The following ELOVL7 variants were observed in gnomAD, a reference collection of about 807,000 sequenced individuals.
ELOVL7 encodes ELOVL fatty acid elongase 7, also known as very long chain fatty acid elongase 7.
A neutral mutation model predicts 35.7 loss-of-function variants in ELOVL7; 27 were observed. That is an observed-to-expected ratio of 0.76 (90% CI 0.56 to 1.04). The LOEUF (loss-of-function observed/expected upper bound fraction) is 1.04. Ranked by LOEUF, ELOVL7 falls within the 50% of genes least tolerant of loss-of-function variation. The pLI, the probability that ELOVL7 is intolerant of heterozygous loss-of-function variation, is 0.00. For missense variants in ELOVL7, 327 were observed against 340.8 expected, an observed-to-expected ratio of 0.96 and a Z score of 0.32; for synonymous variants, 113 against 114.6, an observed-to-expected ratio of 0.99 and a Z score of 0.09.
chr5:60,817,682 A>ACACACCATATATATACG (rs1745600795), intron 1 of ELOVL7, among the ~76,000 whole-genome samples: 1 of 144,132 alleles, frequency 6.9e-6, no homozygotes, highest in Admixed American at 7.0e-5. Context: ...ATATATACAC[A>ACACACCATATATATACG]CACACCATAT....
chr5:60,821,375 A>T (rs4700394), intron 1 of ELOVL7, among the ~76,000 whole-genome samples: 87,466 of 151,898 alleles, frequency 0.58, 25,837 homozygotes, highest in East Asian at 0.9. Flanking sequence ...ACCCCACGTG[A>T]CTCTCTAGCT....
rs201510038 is a variant in ELOVL7, at chr5:60,764,339, T to G, written c.394-7A>C. 6 of 1,591,468 alleles carry G rather than the reference T, an allele frequency of 3.8e-6. No individual in the cohort carries two copies. The African/African-American group carries it at 6.7e-5, about 18-fold the overall frequency. On this transcript the variant is annotated splice_region_variant and splice_polypyrimidine_tract_variant and intron_variant, in intron 6 of 8. Coordinates refer to ENST00000508821, the MANE Select transcript of ELOVL7 (RefSeq NM_024930.3). ...TGCGCAGAACAAAAAAGATCTGAAA[T>G]AATTTAAAGAATATCAAGTTCACAG...
rs1211804159 is a variant in ELOVL7 at position 60,751,825 on chromosome 5, G to T, written c.*2799C>A. The T allele has an allele frequency of 1.3e-5, 2 of 152,054 alleles. No homozygotes were observed. The highest frequency in any genetic ancestry group is 1.3e-4 in the Admixed American group (2 of 15,256). The allele number at this position is 152,054 out of a possible 1,614,324, so 9.4% of individuals were successfully genotyped here. Reference sequence around the variant, plus strand: ...TACCACAAATTTATTATAATACACAGGGAAAAACAAACTCAAACTTTGACA... The same window carrying T: ...TACCACAAATTTATTATAATACACATGGAAAAACAAACTCAAACTTTGACA... On this transcript the variant is annotated 3_prime_UTR_variant, in exon 9 of 9. Transcript: ENST00000508821.
At chr5:60,799,623 C>A (rs935041608) in intron 1 of ELOVL7, among the ~76,000 whole-genome samples, 2 of 152,072 alleles carry the variant, frequency 1.3e-5, no homozygotes, top group South Asian at 4.2e-4. Context: ...AATCATGAAG[C>A]GGGAGAAAAT....
intron 1 of ELOVL7, among the ~76,000 whole-genome samples, chr5:60,827,956 G>A (rs374744727): frequency 2.6e-5 from 4 of 151,984 alleles, no homozygotes; most frequent in African/African-American, 9.6e-5. Flanking sequence ...CATCCACAGA[G>A]GCACACCCCC....
intron 3 of ELOVL7, among the ~76,000 whole-genome samples, chr5:60,783,882 G>C (rs1743407001): frequency 1.3e-5 from 2 of 152,126 alleles, no homozygotes; most frequent in African/African-American, 4.8e-5. Flanking sequence ...AAGGCTAATG[G>C]GGTGGGGGAT....
At chr5:60,761,175 C>T (rs754580582) in intron 7 of ELOVL7, among the ~76,000 whole-genome samples, 3 of 152,022 alleles carry the variant, frequency 2.0e-5, no homozygotes, top group African/African-American at 4.8e-5. Context: ...GAATGAATTA[C>T]GATTAGTACC....
intron 1 of ELOVL7, among the ~76,000 whole-genome samples, chr5:60,803,976 T>C (rs13183561): frequency 0.2 from 30,795 of 152,188 alleles, 3,664 homozygotes; most frequent in Non-Finnish European, 0.27. Flanking sequence ...AAAGATAATA[T>C]ATGTGCATGA....
intron 2 of ELOVL7, among the ~76,000 whole-genome samples, chr5:60,789,299 T>C (rs1743783776): frequency 6.6e-6 from 1 of 152,204 alleles, no homozygotes; most frequent in Non-Finnish European, 1.5e-5. Context: ...CTTAAGTCAA[T>C]AGGAAATGGG....
intron 1 of ELOVL7, among the ~76,000 whole-genome samples, chr5:60,831,192 A>G (rs888634862): frequency 8.5e-5 from 13 of 152,220 alleles, no homozygotes; most frequent in Admixed American, 7.2e-4. Flanking sequence ...GTGTCTGTCT[A>G]TAATAATCAT....
intron 4 of ELOVL7, chr5:60,768,610 G>C (rs1012348177): frequency 2.3e-6 from 1 of 441,850 alleles, no homozygotes; most frequent in African/African-American, 2.0e-5. Context: ...TGATAAATCT[G>C]AAGTGTAATT....
chr5:60,811,722 G>T (rs1452410952), intron 1 of ELOVL7, among the ~76,000 whole-genome samples: 2 of 152,074 alleles, frequency 1.3e-5, no homozygotes, highest in Non-Finnish European at 2.9e-5. Context: ...ACCACCTCAG[G>T]ACTTTGTAGA....
At chr5:60,799,449 G>GAAAAA (rs1272679796) in intron 1 of ELOVL7, among the ~76,000 whole-genome samples, 1 of 151,132 alleles carries the variant, frequency 6.6e-6, no homozygotes, top group South Asian at 2.1e-4. Flanking sequence ...CTGCACGAAG[G>GAAAAA]AAAAAAAAGA....
intron 1 of ELOVL7, among the ~76,000 whole-genome samples, chr5:60,820,625 TACG>T (rs1382818112): frequency 2.0e-5 from 3 of 152,176 alleles, no homozygotes; most frequent in African/African-American, 7.2e-5. Context: ...ACCTAACTGG[TACG>T]ACATCTTTAG....
chr5:60,773,145 A>G (rs1742699457), intron 3 of ELOVL7, among the ~76,000 whole-genome samples: 1 of 152,224 alleles, frequency 6.6e-6, no homozygotes, highest in Non-Finnish European at 1.5e-5. Context: ...GATTAAGTCT[A>G]TAATTTCTAG....
intron 3 of ELOVL7, among the ~76,000 whole-genome samples, chr5:60,783,939 G>C (rs1743410722): frequency 6.6e-6 from 1 of 152,170 alleles, no homozygotes; most frequent in Non-Finnish European, 1.5e-5. Flanking sequence ...TAAGTGTCAT[G>C]AGTAGAGCCA....
chr5:60,819,362 A>G (rs1745753371), intron 1 of ELOVL7, among the ~76,000 whole-genome samples: 1 of 152,148 alleles, frequency 6.6e-6, no homozygotes, highest in Non-Finnish European at 1.5e-5. Flanking sequence ...GACGGTTAGA[A>G]GAAAGAGTGA....
chr5:60,753,602 C>T lies in ELOVL7; in HGVS notation c.*1022G>A, dbSNP rs1387207946. The T allele has an allele frequency of 1.3e-5, 2 of 152,122 alleles. No homozygotes were observed. The highest frequency in any genetic ancestry group is 2.4e-5 in the African/African-American group (1 of 41,416). The allele number at this position is 152,122 out of a possible 1,614,324, so 9.4% of individuals were successfully genotyped here. A position where few individuals can be genotyped will look rare whatever the true frequency, so the allele number is the denominator to read the frequency against. On this transcript the variant is annotated 3_prime_UTR_variant, in exon 9 of 9. Coordinates refer to ENST00000508821, the MANE Select transcript of ELOVL7 (RefSeq NM_024930.3). ...AATTTGCCTCTAGTTGCTTCACAGC[C>T]ACTCTAACTCATATCTGGAAACTGT...
chr5:60,777,899 C>T (rs1322673674), intron 3 of ELOVL7, among the ~76,000 whole-genome samples: 2 of 152,192 alleles, frequency 1.3e-5, no homozygotes, highest in African/African-American at 4.8e-5. Flanking sequence ...CTACATTTAA[C>T]AAAAGGACGT....
Sources: allele counts gnomAD v4.1 joint callset (sites outside exome capture counted in the v4.1 genomes callset), GRCh38; gene constraint gnomAD v4.1.1; transcripts MANE v1.5; gene names NCBI Gene and HGNC (gene_info 2026-07-23, HGNC 2026-07-21).